The following PAPSS2 variants were observed in gnomAD, a reference collection of about 807,000 sequenced individuals.
The protein encoded by PAPSS2 is bifunctional 3'-phosphoadenosine 5'-phosphosulfate synthase 2.
PAPSS2 carries 61 observed loss-of-function variants against 66.5 expected under a neutral mutation model. That is an observed-to-expected ratio of 0.92 (90% CI 0.75 to 1.14). The LOEUF (loss-of-function observed/expected upper bound fraction) is 1.14, where lower values mean the gene tolerates loss of function less well. Among genes scored for constraint, PAPSS2 ranks in the 50% most tolerant of loss-of-function variants. The pLI, the probability that PAPSS2 is intolerant of heterozygous loss-of-function variation, is 0.00. For synonymous variants in PAPSS2, 289 were observed against 287.5 expected (o/e 1.01, Z -0.05); for missense variants, 708 against 789.6 (o/e 0.90, Z 1.24).
intron 1 of PAPSS2, among the ~76,000 whole-genome samples, chr10:87,673,689 CTTTTTTTTTTTT>C (rs34935261): frequency 2.4e-4 from 16 of 67,414 alleles, no homozygotes; most frequent in African/African-American, 6.4e-4. Flanking sequence ...TTTTGGCTTA[CTTTTTTTTTTTT>C]TTTTTTTTTT....
At position 87,660,328 on chromosome 10, in the gene PAPSS2, T is replaced by C; in HGVS notation, c.27+320T>C. On this transcript the variant is annotated intron_variant, in intron 1 of 12. Transcript: ENST00000456849. ...GACCAGGGACAGGAAATCCCCTTTC[T>C]TTCCCAAGAGCTCTTCCAGACCCGC... The C allele has an allele frequency of 1.3e-5, 7 of 530,192 alleles. No homozygotes were observed. In the South Asian group the frequency reaches 1.4e-4, roughly 10 times the overall value. The allele number at this position is 530,192 out of a possible 1,614,324, so 32.8% of individuals were successfully genotyped here.
chr10:87,669,233 C>A (rs1418363872), intron 1 of PAPSS2, among the ~76,000 whole-genome samples: 2 of 152,160 alleles, frequency 1.3e-5, no homozygotes, highest in East Asian at 3.8e-4. Context: ...GCATGCAATG[C>A]AGAAAAAGTT....
intron 8 of PAPSS2, among the ~76,000 whole-genome samples, chr10:87,725,196 G>A (rs1235444824): frequency 6.6e-6 from 1 of 152,142 alleles, no homozygotes; most frequent in Non-Finnish European, 1.5e-5. Flanking sequence ...TCTGAGTACT[G>A]TGGCCTAGCT....
intron 1 of PAPSS2, among the ~76,000 whole-genome samples, chr10:87,683,449 C>T (rs1202010787): frequency 1.3e-5 from 2 of 152,172 alleles, no homozygotes; most frequent in African/African-American, 4.8e-5. Flanking sequence ...CAATGTGGAC[C>T]TTCTGTGTGT....
intron 9 of PAPSS2, among the ~76,000 whole-genome samples, chr10:87,734,882 C>T (rs1457117345): frequency 6.6e-6 from 1 of 151,592 alleles, no homozygotes; most frequent in African/African-American, 2.4e-5. Flanking sequence ...CTCAGCTGCT[C>T]CTCCCTTTCC....
chr10:87,714,531 A>G lies in PAPSS2; in HGVS notation c.521-214A>G, dbSNP rs3815417. On this transcript the variant is annotated intron_variant, in intron 4 of 12. Coordinates refer to ENST00000456849, the MANE Select transcript of PAPSS2 (RefSeq NM_001015880.2). Reference sequence around the variant, plus strand: ...TATAGAGGGCTTCAACTTAGCCAGCAGGATTTTGTTGACAATTTGGGGCTT... The same window carrying G: ...TATAGAGGGCTTCAACTTAGCCAGCGGGATTTTGTTGACAATTTGGGGCTT... 0.55 allele frequency among the ~76,000 whole-genome samples: 83,646 copies of G among 151,972 alleles called. 25,001 individuals carry two copies. The highest frequency in any genetic ancestry group is 0.76 in the African/African-American group (31,629 of 41,430).
chr10:87,709,734 C>A (rs536195327), intron 2 of PAPSS2, among the ~76,000 whole-genome samples: 135 of 152,250 alleles, frequency 8.9e-4, no homozygotes, highest in Middle Eastern at 3.4e-3. Flanking sequence ...TAGAGATATT[C>A]GTTATTGTTG....
intron 1 of PAPSS2, among the ~76,000 whole-genome samples, chr10:87,669,594 G>A (rs1009775630): frequency 1.6e-4 from 25 of 152,194 alleles, no homozygotes; most frequent in East Asian, 3.8e-4. Context: ...TTAAAATTCC[G>A]ATTGTGGAAT....
chr10:87,709,101 C>T lies in PAPSS2; in HGVS notation c.28-95C>T, dbSNP rs545968523. ...TATAAGTTGTTACATGTATCAGTTT[C>T]GCAATTAAAAGTTTAAGATGGATTT... is the stretch of plus-strand genomic sequence containing the variant. On this transcript the variant is annotated intron_variant, in intron 1 of 12. Coordinates refer to ENST00000456849, the MANE Select transcript of PAPSS2 (RefSeq NM_001015880.2). The T allele has an allele frequency of 1.8e-4, 143 of 785,878 alleles. 5 individuals are homozygous for T. Among genetic ancestry groups the T allele is most frequent in the South Asian group, 7.7e-4 (55 of 71,186 alleles). 48.7% of individuals were successfully genotyped at this position (785,878 alleles called of 1,614,324 possible). A position where few individuals can be genotyped will look rare whatever the true frequency, so the allele number is the denominator to read the frequency against.
At chr10:87,714,344 G>T (rs979146663) in intron 4 of PAPSS2, among the ~76,000 whole-genome samples, 162 bp downstream of exon 4, 1 of 152,120 alleles carries the variant, frequency 6.6e-6, no homozygotes, top group Non-Finnish European at 1.5e-5. Flanking sequence ...TATGCCCAGA[G>T]GCTTATTAAA....
chr10:87,703,218 T>C (rs1321632319), intron 1 of PAPSS2, among the ~76,000 whole-genome samples: 1 of 150,690 alleles, frequency 6.6e-6, no homozygotes, highest in African/African-American at 2.5e-5. Flanking sequence ...TGAACCTTAG[T>C]GTAGGGTACG....
chr10:87,699,132 A>T (rs1028999397), intron 1 of PAPSS2, among the ~76,000 whole-genome samples: 3 of 152,258 alleles, frequency 2.0e-5, no homozygotes, highest in African/African-American at 7.2e-5. Context: ...ATGGACATTT[A>T]TTCTCCGAAT....
At chr10:87,696,261 A>G (rs1325370619) in intron 1 of PAPSS2, among the ~76,000 whole-genome samples, 1 of 152,228 alleles carries the variant, frequency 6.6e-6, no homozygotes, top group Non-Finnish European at 1.5e-5. Context: ...TTCAAAAAAC[A>G]TAGCTCTTTT....
intron 1 of PAPSS2, among the ~76,000 whole-genome samples, chr10:87,695,191 A>G (rs1378033904): frequency 1.3e-5 from 2 of 152,142 alleles, no homozygotes; most frequent in Admixed American, 6.5e-5. Flanking sequence ...TCCAAGAGCA[A>G]GGAACTTACA....
chr10:87,717,385 T>C (rs2131712925), intron 7 of PAPSS2, among the ~76,000 whole-genome samples: 1 of 152,166 alleles, frequency 6.6e-6, no homozygotes, highest in Non-Finnish European at 1.5e-5. Flanking sequence ...GTGGTGGAAG[T>C]GGTTGCAGAG....
intron 8 of PAPSS2, among the ~76,000 whole-genome samples, chr10:87,723,817 C>T (rs1192344467): frequency 1.3e-5 from 2 of 152,170 alleles, no homozygotes; most frequent in Non-Finnish European, 2.9e-5. Context: ...GAACTCTAAT[C>T]TTTAACTCTG....
rs1216883046 is a variant in PAPSS2 at position 87,714,761 on chromosome 10, T to C, written c.537T>C (p.Asp179=). ...GCTTTGCAGGATTTACAGGTATTGATTCTGATTATGAGAAACCTGAAACTC... is the reference window on the plus strand; with the variant it reads ...GCTTTGCAGGATTTACAGGTATTGACTCTGATTATGAGAAACCTGAAACTC... The part of the protein sequence containing the change: ...AGEIKGFTGI[D]SDYEKPETPE... Residue 179 remains aspartate, a synonymous_variant, in exon 5 of 13, where the codon GAT becomes GAC. Coordinates refer to ENST00000456849, the MANE Select transcript of PAPSS2 (RefSeq NM_001015880.2). The C allele has an allele frequency of 6.2e-7, 1 of 1,604,004 alleles. No homozygotes were observed. The highest frequency in any genetic ancestry group is 1.1e-5 in the South Asian group (1 of 90,836).
chr10:87,666,745 G>A (rs528572912), intron 1 of PAPSS2, among the ~76,000 whole-genome samples: 1 of 152,134 alleles, frequency 6.6e-6, no homozygotes, highest in Admixed American at 6.5e-5. Context: ...CTCTGAGGTC[G>A]TGGGGTATGA....
intron 1 of PAPSS2, chr10:87,661,129 C>G: frequency 1.1e-5 from 4 of 369,224 alleles, no homozygotes; most frequent in Admixed American, 3.1e-5. Context: ...TGTGGTGGGC[C>G]GGGGAGAGGT....
Sources: gnomAD v4.1 joint callset for allele counts (sites outside exome capture counted in the v4.1 genomes callset) on GRCh38, gnomAD v4.1.1 for gene constraint, MANE v1.5 for transcripts, NCBI Gene and HGNC (gene_info 2026-07-23, HGNC 2026-07-21) for gene names.